Variants in MAF observed in about 807,000 individuals in gnomAD.
The protein encoded by MAF is MAF bZIP transcription factor.
MAF carries 10 observed loss-of-function variants against 22.0 expected under a neutral mutation model. The observed-to-expected ratio is 0.45, with a 90% CI of 0.28 to 0.77. The LOEUF is 0.77. MAF is among the 30% of genes least tolerant of loss of function. The pLI is 0.12. For missense variants in MAF, 544 were observed against 548.4 expected (o/e 0.99, Z 0.08); for synonymous variants, 337 against 255.8 (o/e 1.32, Z -3.03).
chr16:79,438,157 T>C, the MAF span, among the ~76,000 whole-genome samples: 8 of 152,090 alleles, frequency 5.3e-5, no homozygotes, highest in African/African-American at 1.9e-4. Context: ...GGTTCCCACA[T>C]GCCAAGCTAC....
chr16:79,527,603 C>T, the MAF span, among the ~76,000 whole-genome samples: 1 of 152,266 alleles, frequency 6.6e-6, no homozygotes, highest in Non-Finnish European at 1.5e-5. Flanking sequence ...GAAGTCCCAT[C>T]ACCTTACAAT....
chr16:79,596,239 T>G, intron 1 of MAF: 1 of 1,060,406 alleles, frequency 9.4e-7, no homozygotes, highest in Non-Finnish European at 1.1e-6. Flanking sequence ...CTCAACTCAT[T>G]TGAAAACTGA....
At chr16:79,594,944 C>G in intron 1 of MAF, 2 of 1,106,564 alleles carry the variant, frequency 1.8e-6, no homozygotes, top group Admixed American at 9.1e-5. Context: ...TTCTACACAA[C>G]TATATTTTCC....
chr16:79,327,796 C>G, the MAF span, among the ~76,000 whole-genome samples: 3 of 152,178 alleles, frequency 2.0e-5, no homozygotes, highest in Admixed American at 2.0e-4. Flanking sequence ...AGAAGCTGAT[C>G]TTATAAAGGA....
the MAF span, among the ~76,000 whole-genome samples, chr16:79,420,995 C>A: frequency 6.6e-6 from 1 of 151,258 alleles, no homozygotes; most frequent in Non-Finnish European, 1.5e-5. Flanking sequence ...GATCGCACCA[C>A]TTCACTCCAG....
the MAF span, among the ~76,000 whole-genome samples, chr16:79,286,554 G>T: frequency 7.4e-3 from 1,121 of 152,268 alleles, 16 homozygotes; most frequent in African/African-American, 0.026. Context: ...ACGTGTATAT[G>T]TGCATGCACA....
the MAF span, among the ~76,000 whole-genome samples, chr16:79,457,897 G>C: frequency 6.6e-6 from 1 of 152,076 alleles, no homozygotes; most frequent in African/African-American, 2.4e-5. Context: ...AATGACTCAG[G>C]TGTGCTCTAG....
At chr16:79,209,445 G>C in the MAF span, among the ~76,000 whole-genome samples, 1 of 152,156 alleles carries the variant, frequency 6.6e-6, no homozygotes, top group South Asian at 2.1e-4. Flanking sequence ...CCTCACGCTT[G>C]GCAGAACAGT....
the MAF span, among the ~76,000 whole-genome samples, chr16:79,286,091 C>G: frequency 6.6e-6 from 1 of 152,162 alleles, no homozygotes; most frequent in Non-Finnish European, 1.5e-5. Flanking sequence ...CAAATAAGAT[C>G]AATATTGATA....
the MAF span, among the ~76,000 whole-genome samples, chr16:79,571,530 A>ATTTT: frequency 4.3e-3 from 446 of 103,870 alleles, 9 homozygotes; most frequent in African/African-American, 0.011. Flanking sequence ...TCTCAGCGGA[A>ATTTT]TTTTTTTTTT....
chr16:79,266,966 G>A, the MAF span, among the ~76,000 whole-genome samples: 1 of 152,186 alleles, frequency 6.6e-6, no homozygotes, highest in African/African-American at 2.4e-5. Flanking sequence ...AGCACAGCAT[G>A]GAGCACATGG....
At chr16:79,213,211 C>A in the MAF span, among the ~76,000 whole-genome samples, 4 of 152,166 alleles carry the variant, frequency 2.6e-5, no homozygotes, top group Admixed American at 1.3e-4. Flanking sequence ...GGCTGGGTGT[C>A]ATTGTTCCCC....
chr16:79,586,238 T>C (rs1364628437), intron 1 of MAF, among the ~76,000 whole-genome samples: 1 of 152,202 alleles, frequency 6.6e-6, no homozygotes, highest in African/African-American at 2.4e-5. Context: ...GGATCAGCTT[T>C]GAAGCTGTCC....
chr16:79,369,946 C>A, the MAF span, among the ~76,000 whole-genome samples: 1 of 152,240 alleles, frequency 6.6e-6, no homozygotes, highest in Admixed American at 6.5e-5. Flanking sequence ...CCACAGAGGG[C>A]CTCTCCCAAC....
chr16:79,574,394 C>G, the MAF span, among the ~76,000 whole-genome samples: 1 of 152,200 alleles, frequency 6.6e-6, no homozygotes, highest in Non-Finnish European at 1.5e-5. Flanking sequence ...GGGAATACCT[C>G]CATCCTTGTG....
the MAF span, chr16:79,203,728 TG>T: frequency 6.6e-6 from 1 of 152,160 alleles, no homozygotes; most frequent in East Asian, 1.9e-4. Flanking sequence ...AGGGAGAAGC[TG>T]TTTGTTTTAC....
At chr16:79,456,545 C>A in the MAF span, among the ~76,000 whole-genome samples, 2 of 152,140 alleles carry the variant, frequency 1.3e-5, no homozygotes, top group Admixed American at 1.3e-4. Context: ...ATAGATTACT[C>A]CAGAACTCTC....
the MAF span, among the ~76,000 whole-genome samples, chr16:79,267,628 A>T: frequency 6.6e-6 from 1 of 152,198 alleles, no homozygotes; most frequent in East Asian, 1.9e-4. Flanking sequence ...GGGTAGTATG[A>T]CATGGAGAGA....
the MAF span, among the ~76,000 whole-genome samples, chr16:79,551,552 A>G: frequency 6.6e-6 from 1 of 152,190 alleles, no homozygotes; most frequent in African/African-American, 2.4e-5. Context: ...AACAGAAATT[A>G]AATCCCTCAT....
Sources: allele counts gnomAD v4.1 joint callset (sites outside exome capture counted in the v4.1 genomes callset), GRCh38; gene constraint gnomAD v4.1.1; transcripts MANE v1.5; gene names NCBI Gene and HGNC (gene_info 2026-07-23, HGNC 2026-07-21).